The following TTC7A variants were observed in gnomAD, a reference collection of about 807,000 sequenced individuals.
The protein encoded by TTC7A is tetratricopeptide repeat domain 7A.
In TTC7A, 110 loss-of-function variants were observed where a neutral mutation model predicts 103.7. The observed-to-expected ratio is 1.06, with a 90% CI of 0.91 to 1.24. The LOEUF is 1.24. TTC7A is among the 50% of genes most tolerant of loss of function. The pLI, the probability that TTC7A is intolerant of heterozygous loss-of-function variation, is 0.00. For synonymous variants in TTC7A, 521 were observed against 467.9 expected (o/e 1.11, Z -1.47); for missense variants, 1,340 against 1,116.3 (o/e 1.20, Z -2.86).
intron 19 of TTC7A, among the ~76,000 whole-genome samples, chr2:47,072,257 C>T (rs940800043): frequency 2.0e-5 from 3 of 152,188 alleles, no homozygotes; most frequent in Admixed American, 1.3e-4. Context: ...CCCTGTCCTC[C>T]CCTGGCCTCT....
chr2:47,073,091 A>C (rs1684909256), intron 19 of TTC7A, among the ~76,000 whole-genome samples: 1 of 151,854 alleles, frequency 6.6e-6, no homozygotes, highest in Non-Finnish European at 1.5e-5. Flanking sequence ...CTCTCCTCCC[A>C]TGACCCTCTC....
intron 19 of TTC7A, among the ~76,000 whole-genome samples, chr2:47,072,111 G>T (rs995106842): frequency 1.3e-5 from 2 of 152,190 alleles, no homozygotes; most frequent in Admixed American, 6.5e-5. Context: ...GGTCTGGTGT[G>T]GGTGGAACAG....
intron 2 of TTC7A, among the ~76,000 whole-genome samples, chr2:46,921,255 T>G (rs1376112123): frequency 6.6e-6 from 1 of 152,230 alleles, no homozygotes; most frequent in African/African-American, 2.4e-5. Flanking sequence ...AATATGATCA[T>G]GCACATAGAA....
intron 1 of TTC7A, among the ~76,000 whole-genome samples, chr2:46,946,022 C>A (rs1025197220): frequency 2.0e-5 from 3 of 152,186 alleles, no homozygotes; most frequent in African/African-American, 7.2e-5. Context: ...TCACTGTCAT[C>A]CAAACATGGG....
At chr2:46,959,336 G>A (rs909081682) in intron 3 of TTC7A, among the ~76,000 whole-genome samples, 3 of 152,208 alleles carry the variant, frequency 2.0e-5, no homozygotes, top group Non-Finnish European at 2.9e-5. Context: ...CCCACACTCA[G>A]CACTCCTTGG....
At chr2:46,933,729 C>T (rs1669827583) in intron 2 of TTC7A, among the ~76,000 whole-genome samples, 1 of 152,196 alleles carries the variant, frequency 6.6e-6, no homozygotes, top group South Asian at 2.1e-4. Flanking sequence ...TGCTCTACTT[C>T]GCATATACTG....
At chr2:46,972,379 C>A (rs1214138679) in intron 3 of TTC7A, among the ~76,000 whole-genome samples, 1 of 152,034 alleles carries the variant, frequency 6.6e-6, no homozygotes, top group Non-Finnish European at 1.5e-5. Context: ...GTAAAAAAGC[C>A]CCATACAACA....
intron 15 of TTC7A, among the ~76,000 whole-genome samples, chr2:47,030,261 T>C (rs1680389246): frequency 6.6e-6 from 1 of 152,222 alleles, no homozygotes; most frequent in Non-Finnish European, 1.5e-5. Context: ...TGACTCACGC[T>C]GTGTAAACAG....
rs185228483 is a variant in TTC7A, at chr2:47,002,172, C to G, written c.1066-3750C>G. On this transcript the variant is annotated intron_variant, in intron 8 of 19. Coordinates refer to ENST00000319190, the MANE Select transcript of TTC7A (RefSeq NM_020458.4). ...TACCCTAGGAGAACAGCCGGAAGGACAAAGGCTAGGAGCAGGACAACTACA... is the reference window on the plus strand; with the variant it reads ...TACCCTAGGAGAACAGCCGGAAGGAGAAAGGCTAGGAGCAGGACAACTACA... Among the ~76,000 whole-genome samples the G allele has an allele frequency of 1.5e-3, 234 of 152,286 alleles. 10 individuals are homozygous for G. The highest frequency in any genetic ancestry group is 3.4e-3 in the Middle Eastern group (1 of 294).
At chr2:46,972,306 T>C (rs561326160) in intron 3 of TTC7A, among the ~76,000 whole-genome samples, 2 of 152,258 alleles carry the variant, frequency 1.3e-5, no homozygotes, top group African/African-American at 2.4e-5. Context: ...AGATTGTTTT[T>C]ATTTTTTTGA....
chr2:47,029,187 G>A (rs1251505634), intron 14 of TTC7A, 37 bp from the exon 15 acceptor site: 6 of 1,609,804 alleles, frequency 3.7e-6, no homozygotes, highest in South Asian at 1.1e-5. Flanking sequence ...GGCAGCATGT[G>A]CCTGGGGAAG....
intron 14 of TTC7A, among the ~76,000 whole-genome samples, chr2:47,026,965 T>C (rs541555216): frequency 6.6e-6 from 1 of 152,284 alleles, no homozygotes; most frequent in African/African-American, 2.4e-5. Flanking sequence ...ATCAGATTCT[T>C]TCCACATCAC....
At chr2:47,001,745 A>C (rs946271300) in intron 8 of TTC7A, among the ~76,000 whole-genome samples, 1 of 151,688 alleles carries the variant, frequency 6.6e-6, no homozygotes, top group African/African-American at 2.4e-5. Context: ...TGTAATCCCA[A>C]CTACTTGGGA....
At chr2:46,999,884 G>T (rs1676615465) in intron 8 of TTC7A, 1 of 985,256 alleles carries the variant, frequency 1.0e-6, no homozygotes, top group Non-Finnish European at 1.2e-6. Flanking sequence ...GTTGAGAGTG[G>T]GGTGGATAGG....
intron 2 of TTC7A, among the ~76,000 whole-genome samples, chr2:46,919,150 T>C (rs116206461): frequency 6.6e-6 from 1 of 152,358 alleles, no homozygotes; most frequent in African/African-American, 2.4e-5. Flanking sequence ...AAGATTTCAA[T>C]TTACACCTTT....
intron 2 of TTC7A, among the ~76,000 whole-genome samples, chr2:46,932,305 T>C (rs370489204): frequency 3.3e-5 from 5 of 152,028 alleles, no homozygotes; most frequent in East Asian, 3.9e-4. Flanking sequence ...GCCCCCACCA[T>C]ACTTGGCTAA....
At chr2:47,022,106 C>A in intron 12 of TTC7A, 127 bp downstream of exon 12, 1 of 636,034 alleles carries the variant, frequency 1.6e-6, no homozygotes, top group Non-Finnish European at 2.8e-6. Context: ...ATGCACTCCT[C>A]TGGGAGAGAT....
intron 5 of TTC7A, among the ~76,000 whole-genome samples, chr2:46,979,494 A>T (rs900675769): frequency 1.3e-5 from 2 of 152,140 alleles, no homozygotes; most frequent in East Asian, 3.9e-4. Flanking sequence ...GGTCCCTGGA[A>T]TACTGGCCTA....
At chr2:47,057,131 G>A (rs1057049133) in intron 18 of TTC7A, among the ~76,000 whole-genome samples, 16 of 152,222 alleles carry the variant, frequency 1.1e-4, no homozygotes, top group Non-Finnish European at 1.2e-4. Flanking sequence ...AGGAGCCGAA[G>A]GCATCTGCTC....
Sources: gnomAD v4.1 joint callset for allele counts (sites outside exome capture counted in the v4.1 genomes callset) on GRCh38, gnomAD v4.1.1 for gene constraint, MANE v1.5 for transcripts, NCBI Gene and HGNC (gene_info 2026-07-23, HGNC 2026-07-21) for gene names.